The following LPP variants were observed in gnomAD, a reference collection of about 807,000 sequenced individuals.
The protein encoded by LPP is LIM domain containing preferred translocation partner in lipoma, also known as lipoma-preferred partner.
LPP carries 38 observed loss-of-function variants against 60.4 expected under a neutral mutation model. The ratio of observed to expected loss-of-function variants is 0.63; its 90% CI spans 0.49 to 0.83. LPP has a LOEUF of 0.83. Among genes scored for constraint, LPP ranks in the 40% least tolerant of loss-of-function variants. The pLI, the probability that LPP is intolerant of heterozygous loss-of-function variation, is 0.00. For synonymous variants in LPP, 328 were observed against 290.8 expected (o/e 1.13, Z -1.30); for missense variants, 902 against 783.6 (o/e 1.15, Z -1.80).
At position 188,204,040 on chromosome 3, in the gene LPP, G is replaced by C. The variant is rs139451061; in HGVS notation, c.-189-21365G>C. 1.3e-4 allele frequency among the ~76,000 whole-genome samples: 20 copies of C among 152,254 alleles called. No homozygotes were observed. The East Asian group carries it at 3.7e-3, about 28-fold the overall frequency. ...GGGAATTGGTGGGGCCATCTTTAGA[G>C]AAGGGGTGGGCCAGTGAAGACACTA... On this transcript the variant is annotated intron_variant, in intron 1 of 11. Coordinates refer to ENST00000617246, the MANE Select transcript of LPP (RefSeq NM_001375462.1).
Position 188,659,904 on chromosome 3 carries a change from C to A in LPP, c.1114-48363C>A, listed in dbSNP as rs1045982904. Among the ~76,000 whole-genome samples, 56 of 151,212 alleles carry A rather than the reference C, an allele frequency of 3.7e-4. 1 individual carries two copies. The highest frequency in any genetic ancestry group is 6.8e-4 in the Non-Finnish European group (46 of 67,950). ...CCTCTGCTTGTAATTGTTACTGTTC[C>A]CAATCCATTTCCTCCTCATTCTTTG... On this transcript the variant is annotated intron_variant, in intron 7 of 11. Coordinates refer to ENST00000617246, the MANE Select transcript of LPP (RefSeq NM_001375462.1).
chr3:188,392,492 T>C (rs985280363), intron 3 of LPP, among the ~76,000 whole-genome samples: 14 of 152,140 alleles, frequency 9.2e-5, no homozygotes, highest in African/African-American at 3.4e-4. Context: ...AGTTTTGCAA[T>C]GAGAATTAAT....
rs1342263100 is a variant in LPP at position 188,890,489 on chromosome 3, T to G, written c.*16010T>G. On this transcript the variant is annotated 3_prime_UTR_variant, in exon 12 of 12. Coordinates refer to ENST00000617246, the MANE Select transcript of LPP (RefSeq NM_001375462.1). ...GTGATTTAGGTATTTTCTTTTGTGT[T>G]TATGCATTATCTGACTATATTAAAA... The G allele has an allele frequency of 1.0e-5, 2 of 190,578 alleles. No individual in the cohort carries two copies. Among genetic ancestry groups the G allele is most frequent in the East Asian group, 8.5e-5 (1 of 11,824 alleles). 11.8% of individuals were successfully genotyped at this position (190,578 alleles called of 1,614,324 possible). A position where few individuals can be genotyped will look rare whatever the true frequency, so the allele number is the denominator to read the frequency against.
intron 9 of LPP, among the ~76,000 whole-genome samples, chr3:188,819,459 A>G (rs1308558768): frequency 2.0e-5 from 3 of 152,156 alleles, no homozygotes; most frequent in African/African-American, 7.2e-5. Flanking sequence ...ACAAGGCCCC[A>G]TACCCTGGGC....
chr3:188,443,105 C>CA (rs1424391959), intron 4 of LPP, among the ~76,000 whole-genome samples: 3 of 152,136 alleles, frequency 2.0e-5, no homozygotes, highest in Non-Finnish European at 4.4e-5. Context: ...ACTTGATTTT[C>CA]ATTACTTGAA....
intron 7 of LPP, among the ~76,000 whole-genome samples, chr3:188,639,245 G>C (rs1003099391): frequency 1.3e-5 from 2 of 151,872 alleles, no homozygotes; most frequent in African/African-American, 4.8e-5. Context: ...TGACAAACCT[G>C]AGAAAAACAA....
chr3:188,276,685 CTCTCTCTCTT>C lies in LPP; in HGVS notation c.-67+51168_-67+51177del, dbSNP rs1241886424. Among the ~76,000 whole-genome samples the C allele has an allele frequency of 9.2e-3, 142 of 15,384 alleles. 1 individual carries two copies. In the African/African-American group the frequency reaches 0.12, roughly 13 times the overall value. 10.1% of individuals were successfully genotyped at this position (15,384 alleles called of 152,430 possible). The stretch of plus-strand genomic sequence containing the variant: ...TCCAACTCTGTCTCTCTCTCTCTCT[CTCTCTCTCTT>C]TCTCTCTCTCTCTCTCTCTCTCTCT... On this transcript the variant is annotated intron_variant, in intron 2 of 11. Coordinates refer to ENST00000617246, the MANE Select transcript of LPP (RefSeq NM_001375462.1).
chr3:188,669,847 C>G (rs1054954629), intron 7 of LPP, among the ~76,000 whole-genome samples: 29 of 152,176 alleles, frequency 1.9e-4, no homozygotes, highest in Admixed American at 1.2e-3. Flanking sequence ...AGACTTGGAA[C>G]CAACCCAAAT....
At chr3:188,740,457 C>G (rs560258633) in intron 8 of LPP, among the ~76,000 whole-genome samples, 1 of 152,200 alleles carries the variant, frequency 6.6e-6, no homozygotes, top group African/African-American at 2.4e-5. Flanking sequence ...GTGTCTCTAT[C>G]CTTTCATATT....
chr3:188,265,255 G>A (rs930718482), intron 2 of LPP, among the ~76,000 whole-genome samples: 3 of 152,058 alleles, frequency 2.0e-5, no homozygotes, highest in Non-Finnish European at 2.9e-5. Context: ...ATGCTTTTCC[G>A]TGGATGGCAC....
At chr3:188,260,096 G>A (rs1309823624) in intron 2 of LPP, among the ~76,000 whole-genome samples, 1 of 152,016 alleles carries the variant, frequency 6.6e-6, no homozygotes, top group Non-Finnish European at 1.5e-5. Context: ...CACCCAGGCA[G>A]TGGCACGATC....
intron 6 of LPP, among the ~76,000 whole-genome samples, chr3:188,527,348 GAAAAAAAAA>G (rs57075465): frequency 2.7e-5 from 2 of 73,680 alleles, no homozygotes; most frequent in African/African-American, 4.9e-5. Context: ...GACTCCATCT[GAAAAAAAAA>G]AAAAAAAAAA....
chr3:188,591,861 T>A (rs1838786880), intron 6 of LPP, among the ~76,000 whole-genome samples: 1 of 152,204 alleles, frequency 6.6e-6, no homozygotes, highest in Admixed American at 6.5e-5. Flanking sequence ...GCTTTTTGAA[T>A]TCAATATCAG....
intron 4 of LPP, among the ~76,000 whole-genome samples, chr3:188,436,524 A>G (rs1240226583): frequency 6.6e-6 from 1 of 152,148 alleles, no homozygotes; most frequent in African/African-American, 2.4e-5. Flanking sequence ...AACATTTTCT[A>G]TGTATAAATA....
At chr3:188,837,525 A>G (rs1758798636) in intron 9 of LPP, among the ~76,000 whole-genome samples, 2 of 152,006 alleles carry the variant, frequency 1.3e-5, no homozygotes, top group African/African-American at 4.8e-5. Context: ...TGGTCAGAGG[A>G]TGGGAGAACA....
intron 5 of LPP, among the ~76,000 whole-genome samples, chr3:188,511,713 A>G (rs1032210552): frequency 2.0e-5 from 3 of 152,208 alleles, no homozygotes; most frequent in African/African-American, 7.2e-5. Context: ...AAACAGGAAT[A>G]ATAACATCTA....
At chr3:188,524,543 A>C (rs904944622) in intron 5 of LPP, 122 bp from the exon 6 acceptor site, 1 of 976,966 alleles carries the variant, frequency 1.0e-6, no homozygotes, top group Admixed American at 2.5e-5. Context: ...TGAAAGCTTA[A>C]TTAAAAAAAA....
At chr3:188,760,409 G>GGTGTGTGTGGGGTGT (rs1731824538) in intron 9 of LPP, 127 bp downstream of exon 9, 1 of 601,656 alleles carries the variant, frequency 1.7e-6, no homozygotes, top group South Asian at 1.9e-5. Context: ...GTGTGTGTGG[G>GGTGTGTGTGGGGTGT]GTGTGTGTGT....
At chr3:188,378,690 G>T (rs547147584) in intron 3 of LPP, among the ~76,000 whole-genome samples, 2 of 152,210 alleles carry the variant, frequency 1.3e-5, no homozygotes, top group East Asian at 3.9e-4. Context: ...CCCTGCTTCG[G>T]CTCGTGCACG....
Sources: gnomAD v4.1 joint callset for allele counts (sites outside exome capture counted in the v4.1 genomes callset) on GRCh38, gnomAD v4.1.1 for gene constraint, MANE v1.5 for transcripts, NCBI Gene and HGNC (gene_info 2026-07-23, HGNC 2026-07-21) for gene names.